The following PCDHA4 variants were observed in gnomAD, a reference collection of about 807,000 sequenced individuals.
PCDHA4 encodes protocadherin alpha 4, also known as protocadherin alpha-4.
In PCDHA4, 49 loss-of-function variants were observed where a neutral mutation model predicts 61.4. The observed-to-expected ratio is 0.80, with a 90% CI of 0.63 to 1.01. The LOEUF (loss-of-function observed/expected upper bound fraction) is 1.01. PCDHA4 is among the 50% of genes least tolerant of loss of function. The pLI, the probability that PCDHA4 is intolerant of heterozygous loss-of-function variation, is 0.00. For synonymous variants in PCDHA4, 590 were observed against 550.3 expected (o/e 1.07, Z -1.01); for missense variants, 1,254 against 1,235.8 (o/e 1.01, Z -0.22).
chr5:140,924,944 TA>T (rs11334471), intron 1 of PCDHA4, among the ~76,000 whole-genome samples: 51,245 of 142,818 alleles, frequency 0.36, 9,188 homozygotes, highest in East Asian at 0.56. Flanking sequence ...AATAAAAAGT[TA>T]AAAAAAAAAT....
chr5:140,937,776 G>A (rs1350103217), intron 1 of PCDHA4, among the ~76,000 whole-genome samples: 1 of 151,292 alleles, frequency 6.6e-6, no homozygotes, highest in Non-Finnish European at 1.5e-5. Context: ...GTCGGGCGTG[G>A]TGGCGGGCGT....
At chr5:140,851,190 G>T in intron 1 of PCDHA4, 1 of 1,221,164 alleles carries the variant, frequency 8.2e-7, no homozygotes, top group Non-Finnish European at 1.1e-6. Flanking sequence ...AACCAATTTA[G>T]TTGTTAGTCA....
intron 3 of PCDHA4, among the ~76,000 whole-genome samples, chr5:141,001,404 T>A (rs965496882): frequency 1.3e-4 from 20 of 152,072 alleles, no homozygotes; most frequent in African/African-American, 4.8e-4. Context: ...GAACAGGGAG[T>A]ATATTTTTAC....
chr5:140,985,273 T>C (rs1554246915), intron 3 of PCDHA4, among the ~76,000 whole-genome samples: 1 of 152,178 alleles, frequency 6.6e-6, no homozygotes, highest in African/African-American at 2.4e-5. Context: ...GGACTACTTT[T>C]CTGCAATCTA....
chr5:140,880,978 T>A lies in PCDHA4; in HGVS notation c.2385+71406T>A, dbSNP rs570855539. Among the ~76,000 whole-genome samples the A allele has an allele frequency of 3.6e-4, 55 of 152,312 alleles. No individual in the cohort carries two copies. The South Asian group carries it at 9.1e-3, about 25-fold the overall frequency. On this transcript the variant is annotated intron_variant, in intron 1 of 3. Coordinates refer to ENST00000530339, the MANE Select transcript of PCDHA4 (RefSeq NM_018907.4). ...ATGAGGGTAAGAGAATACCAAATACTCTGCCTAAATTTTCAGAGGAGAGCA... is the reference window on the plus strand; with the variant it reads ...ATGAGGGTAAGAGAATACCAAATACACTGCCTAAATTTTCAGAGGAGAGCA...
intron 1 of PCDHA4, chr5:140,842,623 G>A (rs1778148921): frequency 4.4e-6 from 7 of 1,579,148 alleles, no homozygotes; most frequent in Middle Eastern, 1.7e-4. Flanking sequence ...GCTCGCCTTC[G>A]CTGTGGGCCA....
chr5:140,851,036 T>C lies in PCDHA4; in HGVS notation c.2385+41464T>C. 2 of 1,401,900 alleles carry C rather than the reference T, an allele frequency of 1.4e-6. 1 individual carries two copies. The highest frequency in any genetic ancestry group is 3.7e-5 in the South Asian group (2 of 53,334). 86.8% of individuals were successfully genotyped at this position (1,401,900 alleles called of 1,614,324 possible). The stretch of plus-strand genomic sequence containing the variant: ...TTCTGATAAAGTAAACCCCTTAACA[T>C]TGGAGCCGACTTTGTCTTGACTTCT... On this transcript the variant is annotated intron_variant, in intron 1 of 3. Transcript: ENST00000530339.
chr5:140,934,569 A>AT (rs1286294364), intron 1 of PCDHA4, among the ~76,000 whole-genome samples: 1 of 152,044 alleles, frequency 6.6e-6, no homozygotes, highest in Admixed American at 6.6e-5. Context: ...TTTTTAATTA[A>AT]TTGTAACATT....
At chr5:140,824,617 T>TTTTTTTTTTG (rs1768243563) in intron 1 of PCDHA4, 1 of 128,156 alleles carries the variant, frequency 7.8e-6, no homozygotes, top group African/African-American at 3.5e-5. Context: ...AAAGTTTTTT[T>TTTTTTTTTTG]TTTTTTTTTT....
intron 1 of PCDHA4, among the ~76,000 whole-genome samples, chr5:140,845,293 T>A (rs1779796501): frequency 6.7e-6 from 1 of 149,672 alleles, no homozygotes; most frequent in African/African-American, 2.4e-5. Flanking sequence ...CTATCCTGTC[T>A]ATGTCTACCT....
At chr5:140,859,508 T>A (rs1298997050) in intron 1 of PCDHA4, 1 of 197,594 alleles carries the variant, frequency 5.1e-6, no homozygotes, top group Non-Finnish European at 1.0e-5. Flanking sequence ...CTGATACCCA[T>A]GATTTCATTT....
chr5:140,952,615 C>T (rs572552032), intron 1 of PCDHA4, among the ~76,000 whole-genome samples: 1 of 152,288 alleles, frequency 6.6e-6, no homozygotes, highest in East Asian at 1.9e-4. Context: ...TCTCCCTCAT[C>T]TTCCCTCCAC....
intron 1 of PCDHA4, chr5:140,829,384 C>T (rs1226785710): frequency 3.1e-6 from 5 of 1,614,060 alleles, no homozygotes; most frequent in Non-Finnish European, 4.2e-6. Context: ...GGGACGGGGG[C>T]TCGCCTTCGC....
intron 1 of PCDHA4, chr5:140,822,093 G>A: frequency 6.2e-7 from 1 of 1,614,262 alleles, no homozygotes; most frequent in South Asian, 1.1e-5. Flanking sequence ...TCCACCTGGA[G>A]GTGATCGTGG....
At chr5:140,828,005 G>A in intron 1 of PCDHA4, 1 of 1,502,916 alleles carries the variant, frequency 6.7e-7, no homozygotes, top group Non-Finnish European at 8.9e-7. Flanking sequence ...GGACGCAGAA[G>A]AAATGGATTA....
At chr5:140,838,543 T>C (rs1421001840) in intron 1 of PCDHA4, among the ~76,000 whole-genome samples, 2 of 152,028 alleles carry the variant, frequency 1.3e-5, no homozygotes, top group Non-Finnish European at 2.9e-5. Flanking sequence ...GGATATATCA[T>C]GATTTATTCA....
intron 1 of PCDHA4, chr5:140,835,887 C>G (rs1554135389): frequency 1.2e-6 from 2 of 1,611,898 alleles, no homozygotes; most frequent in Non-Finnish European, 1.7e-6. Flanking sequence ...GGTGGGCGAG[C>G]GCGCGCTGTC....
At chr5:140,831,202 A>C (rs2150192428) in intron 1 of PCDHA4, 1 of 152,360 alleles carries the variant, frequency 6.6e-6, no homozygotes, top group East Asian at 1.9e-4. Context: ...CTTGTGATCA[A>C]GTAAATTTAT....
chr5:140,851,579 C>T lies in PCDHA4; in HGVS notation c.2385+42007C>T, dbSNP rs527993952. On this transcript the variant is annotated intron_variant, in intron 1 of 3. Transcript: ENST00000530339. ...ACTGAAATTTTGTCTACACTTAGAA[C>T]ATTTTTTGAAATTCAGTTTACAGAA... 1.1e-5 allele frequency: 10 copies of T among 913,374 alleles called. No homozygotes were observed. In the South Asian group the frequency reaches 4.0e-4, roughly 36 times the overall value. 56.6% of individuals were successfully genotyped at this position (913,374 alleles called of 1,614,324 possible).
Sources: allele counts gnomAD v4.1 joint callset (sites outside exome capture counted in the v4.1 genomes callset), GRCh38; gene constraint gnomAD v4.1.1; transcripts MANE v1.5; gene names NCBI Gene and HGNC (gene_info 2026-07-23, HGNC 2026-07-21).